Variants in PRR16 observed in about 807,000 individuals in gnomAD.
PRR16 encodes the protein protein Largen.
PRR16 carries 6 observed loss-of-function variants against 18.2 expected under a neutral mutation model. The ratio of observed to expected loss-of-function variants is 0.33; its 90% CI spans 0.18 to 0.65. PRR16 has a LOEUF of 0.65. Ranked by LOEUF, PRR16 falls within the 30% of genes least tolerant of loss-of-function variation. PRR16 has a pLI of 0.74. For synonymous variants in PRR16, 151 were observed against 147.8 expected, an observed-to-expected ratio of 1.02 and a Z score of -0.16; for missense variants, 412 against 376.6, an observed-to-expected ratio of 1.09 and a Z score of -0.78.
At chr5:120,513,248 A>G (rs572596696) in intron 1 of PRR16, among the ~76,000 whole-genome samples, 1 of 152,202 alleles carries the variant, frequency 6.6e-6, no homozygotes, top group Non-Finnish European at 1.5e-5. Context: ...GTTTCTTTCT[A>G]CTAGGGGACT....
chr5:120,667,805 C>G (rs368733550), intron 1 of PRR16, among the ~76,000 whole-genome samples: 1 of 152,140 alleles, frequency 6.6e-6, no homozygotes, highest in East Asian at 1.9e-4. Flanking sequence ...TTTGATTGCA[C>G]TGTGGTCTGA....
chr5:120,514,301 T>C (rs920579664), intron 1 of PRR16, among the ~76,000 whole-genome samples: 2 of 152,122 alleles, frequency 1.3e-5, no homozygotes, highest in Non-Finnish European at 2.9e-5. Context: ...CATTCTTCCA[T>C]TGTCTTGATG....
the PRR16 span, among the ~76,000 whole-genome samples, chr5:120,789,722 T>A: frequency 1.3e-5 from 2 of 152,120 alleles, no homozygotes; most frequent in African/African-American, 4.8e-5. Flanking sequence ...ATAATCATAC[T>A]ACTGTACTTA....
chr5:120,645,152 C>T (rs1238944466), intron 1 of PRR16, among the ~76,000 whole-genome samples: 1 of 152,014 alleles, frequency 6.6e-6, no homozygotes, highest in Non-Finnish European at 1.5e-5. Context: ...AGACATGAGT[C>T]CTTTATTTAC....
intron 1 of PRR16, among the ~76,000 whole-genome samples, chr5:120,478,354 G>A (rs1749507862): frequency 1.3e-5 from 2 of 152,108 alleles, no homozygotes; most frequent in South Asian, 4.1e-4. Flanking sequence ...GGGAGCTCTT[G>A]TTTCTCCTAC....
At chr5:120,758,008 A>T in the PRR16 span, among the ~76,000 whole-genome samples, 5 of 119,800 alleles carry the variant, frequency 4.2e-5, no homozygotes, top group African/African-American at 1.4e-4. Context: ...TATTTTTAAT[A>T]TGGCTACTTT....
the PRR16 span, among the ~76,000 whole-genome samples, chr5:120,759,975 G>A: frequency 2.0e-5 from 3 of 152,272 alleles, no homozygotes; most frequent in Non-Finnish European, 4.4e-5. Context: ...GCTCTCTGAA[G>A]GGGGTGTGTG....
At chr5:120,600,159 A>C (rs1305270377) in intron 1 of PRR16, among the ~76,000 whole-genome samples, 1 of 151,386 alleles carries the variant, frequency 6.6e-6, no homozygotes, top group Non-Finnish European at 1.5e-5. Flanking sequence ...ATTTTTGTTT[A>C]ATTTTTTTTT....
intron 1 of PRR16, among the ~76,000 whole-genome samples, chr5:120,609,913 G>A (rs757098180): frequency 9.2e-5 from 14 of 152,066 alleles, no homozygotes; most frequent in Admixed American, 2.0e-4. Context: ...AAATTCTCAG[G>A]CACCTCCTGA....
At chr5:120,791,462 G>T in the PRR16 span, among the ~76,000 whole-genome samples, 2 of 151,746 alleles carry the variant, frequency 1.3e-5, no homozygotes, top group Non-Finnish European at 2.9e-5. Context: ...TATCAGTAAG[G>T]ATTTTTTCTA....
chr5:120,769,060 A>AGTATTTT, the PRR16 span, among the ~76,000 whole-genome samples: 1 of 149,786 alleles, frequency 6.7e-6, no homozygotes, highest in Non-Finnish European at 1.5e-5. Flanking sequence ...AGTGTCCTCA[A>AGTATTTT]ATTAAGATAC....
At chr5:120,756,326 G>C in the PRR16 span, among the ~76,000 whole-genome samples, 1 of 151,926 alleles carries the variant, frequency 6.6e-6, no homozygotes, top group Non-Finnish European at 1.5e-5. Flanking sequence ...TTTAGTTGTA[G>C]GAAGTTGGTG....
rs1381008830 is a variant in PRR16 at position 120,593,661 on chromosome 5, G to A, written c.160-92293G>A. ...CTCTCCAATTCATTCCATGAGGCCA[G>A]CACCATCCTGATACCAAAACCTGGT... On this transcript the variant is annotated intron_variant, in intron 1 of 1. Coordinates refer to ENST00000407149, the MANE Select transcript of PRR16 (RefSeq NM_001300783.2). 5.3e-5 allele frequency among the ~76,000 whole-genome samples: 8 copies of A among 152,154 alleles called. No individual in the cohort carries two copies. In the East Asian group the frequency reaches 1.6e-3, roughly 29 times the overall value.
chr5:120,641,615 G>A (rs1182811481), intron 1 of PRR16, among the ~76,000 whole-genome samples: 1 of 151,952 alleles, frequency 6.6e-6, no homozygotes, highest in African/African-American at 2.4e-5. Context: ...ATGCCTACAG[G>A]GAGACACCCT....
chr5:120,465,333 C>T (rs1017212372), intron 1 of PRR16, among the ~76,000 whole-genome samples: 3 of 152,248 alleles, frequency 2.0e-5, no homozygotes, highest in Admixed American at 2.0e-4. Flanking sequence ...TGCTTCCTTC[C>T]TTCCACCCTG....
the PRR16 span, among the ~76,000 whole-genome samples, chr5:120,769,920 T>C: frequency 6.9e-6 from 1 of 145,804 alleles, no homozygotes; most frequent in African/African-American, 2.5e-5. Context: ...TGTGAGGTGA[T>C]ATTTCGTTGT....
At chr5:120,603,730 G>A (rs1012693107) in intron 1 of PRR16, among the ~76,000 whole-genome samples, 3 of 151,860 alleles carry the variant, frequency 2.0e-5, no homozygotes, top group African/African-American at 7.2e-5. Context: ...CTTTAGCTGT[G>A]TATCAGAGAC....
the PRR16 span, among the ~76,000 whole-genome samples, chr5:120,722,949 T>A: frequency 6.6e-6 from 1 of 151,454 alleles, no homozygotes; most frequent in African/African-American, 2.4e-5. Context: ...TCTCCATATA[T>A]TTTAAGAATT....
chr5:120,588,100 A>G (rs943489542), intron 1 of PRR16, among the ~76,000 whole-genome samples: 1 of 152,236 alleles, frequency 6.6e-6, no homozygotes, highest in Admixed American at 6.5e-5. Context: ...GCCTGAAGAT[A>G]TAACTGAATT....
Sources: gnomAD v4.1 joint callset for allele counts (sites outside exome capture counted in the v4.1 genomes callset) on GRCh38, gnomAD v4.1.1 for gene constraint, MANE v1.5 for transcripts, NCBI Gene and HGNC (gene_info 2026-07-23, HGNC 2026-07-21) for gene names.